DGLUCY: variants seen among roughly 807,000 people sequenced by gnomAD.
The protein encoded by DGLUCY is D-glutamate cyclase, mitochondrial.
Under a neutral mutation model 58.5 loss-of-function variants are expected in DGLUCY, and 58 were observed. The observed-to-expected ratio is 0.99, with a 90% CI of 0.80 to 1.23. DGLUCY has a LOEUF of 1.23. Ranked by LOEUF, DGLUCY falls within the 50% of genes most tolerant of loss-of-function variation. The probability of loss-of-function intolerance (pLI) is 0.00; values close to 1 mark genes in which losing one functional copy is unlikely to be tolerated. For synonymous variants in DGLUCY, 325 were observed against 314.1 expected, an observed-to-expected ratio of 1.03 and a Z score of -0.37; for missense variants, 779 against 784.7, an observed-to-expected ratio of 0.99 and a Z score of 0.09.
At chr14:91,119,963 G>A (rs1263043640) in intron 1 of DGLUCY, among the ~76,000 whole-genome samples, 1 of 152,132 alleles carries the variant, frequency 6.6e-6, no homozygotes, top group Non-Finnish European at 1.5e-5. Flanking sequence ...GGGCTCTCAG[G>A]GCTTTGGCCT....
intron 12 of DGLUCY, among the ~76,000 whole-genome samples, chr14:91,205,909 T>G (rs1049961995): frequency 6.8e-6 from 1 of 146,972 alleles, no homozygotes; most frequent in Admixed American, 6.9e-5. Flanking sequence ...AGTGCCATCT[T>G]GGTCGCTGCA....
upstream of DGLUCY, among the ~76,000 whole-genome samples, chr14:91,111,198 ATATATGTGTGTG>A (rs1390250840): frequency 6.1e-5 from 2 of 32,648 alleles, no homozygotes; most frequent in African/African-American, 1.7e-4. Context: ...TTTTATTTAT[ATATATGTGTGTG>A]TGTGTGTGTG....
At chr14:91,201,635 G>A (rs1326825513) in intron 11 of DGLUCY, among the ~76,000 whole-genome samples, 3 of 151,932 alleles carry the variant, frequency 2.0e-5, no homozygotes, top group Admixed American at 1.3e-4. Flanking sequence ...GTAGAGATGA[G>A]GTCTCACTAT....
At chr14:91,138,505 G>T (rs1016949980) in intron 1 of DGLUCY, among the ~76,000 whole-genome samples, 4 of 151,924 alleles carry the variant, frequency 2.6e-5, no homozygotes, top group African/African-American at 9.7e-5. Flanking sequence ...AAAAGAAAAA[G>T]AAAAAAAGAA....
At chr14:91,217,430 G>A (rs1451634178) in intron 13 of DGLUCY, among the ~76,000 whole-genome samples, 6 of 151,812 alleles carry the variant, frequency 4.0e-5, no homozygotes, top group African/African-American at 9.7e-5. Flanking sequence ...GGGCAGGCCC[G>A]ATAGCCTCCC....
chr14:91,125,002 C>T (rs2045588698), intron 1 of DGLUCY, among the ~76,000 whole-genome samples: 1 of 152,340 alleles, frequency 6.6e-6, no homozygotes, highest in South Asian at 2.1e-4. Context: ...GCACAAGTTA[C>T]TTCCTCCTTC....
intron 8 of DGLUCY, among the ~76,000 whole-genome samples, chr14:91,187,733 T>C (rs185690319): frequency 2.1e-3 from 318 of 152,268 alleles, no homozygotes; most frequent in Non-Finnish European, 4.0e-3. Flanking sequence ...AATAGGCAGG[T>C]GAGTAAATGC....
intron 9 of DGLUCY, 51 bp downstream of exon 9, chr14:91,189,221 G>A (rs374641246): frequency 2.1e-5 from 33 of 1,601,702 alleles, no homozygotes; most frequent in Non-Finnish European, 2.4e-5. Context: ...CTTTGTGGAC[G>A]GAGGCTGGAG....
chr14:91,161,744 A>G (rs2047999733), intron 3 of DGLUCY, among the ~76,000 whole-genome samples: 1 of 152,030 alleles, frequency 6.6e-6, no homozygotes, highest in Non-Finnish European at 1.5e-5. Flanking sequence ...AGGGGCTACA[A>G]TGGGGTGTGA....
At chr14:91,093,228 G>T (rs751071409) in intron 1 of DGLUCY, among the ~76,000 whole-genome samples, 1 of 152,038 alleles carries the variant, frequency 6.6e-6, no homozygotes, top group African/African-American at 2.4e-5. Context: ...TTGAGCACTA[G>T]TTGCTAGGTG....
rs1595892537 is a variant in DGLUCY, at chr14:91,196,442, C to G, written c.1263C>G (p.Phe421Leu). The G allele has an allele frequency of 1.2e-6, 2 of 1,614,100 alleles. No homozygotes were observed. The highest frequency in any genetic ancestry group is 1.7e-6 in the Non-Finnish European group (2 of 1,180,020). ...GATCAGTGGAAGCTGCTCAGGCATT[C>G]CTGTGCAAAAATGGGGACCCGCAGA... is the stretch of plus-strand genomic sequence containing the variant. ...QGGSVEAAQA[F>L]LCKNGDPQTP... The change falls in exon 10 of 14, where the codon TTC (phenylalanine) becomes TTG (leucine). Residue 421 changes from phenylalanine to leucine, a missense_variant. By Grantham distance (22) the Phe-to-Leu change is conservative. Transcript: ENST00000256324.
intron 1 of DGLUCY, among the ~76,000 whole-genome samples, chr14:91,126,045 T>TGTG (rs750027402): frequency 2.1e-4 from 32 of 152,328 alleles, no homozygotes; most frequent in Non-Finnish European, 4.1e-4. Flanking sequence ...CTATTTTGAT[T>TGTG]GTCACCTAGG....
chr14:91,158,373 G>A (rs2047782960), intron 2 of DGLUCY, among the ~76,000 whole-genome samples: 1 of 152,176 alleles, frequency 6.6e-6, no homozygotes, highest in Non-Finnish European at 1.5e-5. Flanking sequence ...TGTCCCCACA[G>A]CACTTTGTTC....
intron 1 of DGLUCY, among the ~76,000 whole-genome samples, chr14:91,120,700 C>T (rs956101737): frequency 2.0e-5 from 3 of 152,168 alleles, no homozygotes; most frequent in Non-Finnish European, 4.4e-5. Flanking sequence ...CATGAGCCAC[C>T]CCACCTGGCC....
At chr14:91,176,161 C>T in intron 7 of DGLUCY, 105 bp downstream of exon 7, 1 of 1,389,006 alleles carries the variant, frequency 7.2e-7, no homozygotes, top group South Asian at 1.5e-5. Context: ...AAAAATAAAG[C>T]CATGAAACAA....
At chr14:91,199,262 A>ATT (rs537076261) in intron 10 of DGLUCY, among the ~76,000 whole-genome samples, 17 of 142,942 alleles carry the variant, frequency 1.2e-4, no homozygotes, top group South Asian at 4.5e-4. Flanking sequence ...CCAATGCTGG[A>ATT]TTTTTTTTTT....
chr14:91,060,471 G>C, exon 1 of DGLUCY: 5 of 1,379,338 alleles, frequency 3.6e-6, no homozygotes, highest in East Asian at 2.9e-5. Context: ...GTCGCTACGA[G>C]GGGAACCCAG....
upstream of DGLUCY, among the ~76,000 whole-genome samples, chr14:91,104,434 C>T (rs2044552933): frequency 6.6e-6 from 1 of 152,090 alleles, no homozygotes; most frequent in South Asian, 2.1e-4. Context: ...GCCAGGGATA[C>T]TGCTGAACAT....
rs34785372 is a variant in DGLUCY, at chr14:91,160,417, TAAAAAAA to T, written c.103+38_103+44del. 3.2e-4 allele frequency: 184 copies of T among 579,154 alleles called. No individual in the cohort carries two copies. Among genetic ancestry groups the T allele is most frequent in the East Asian group, 5.7e-4 (15 of 26,294 alleles). 35.9% of individuals were successfully genotyped at this position (579,154 alleles called of 1,614,324 possible). On this transcript the variant is annotated intron_variant, in intron 3 of 13. Coordinates refer to ENST00000256324, the MANE Select transcript of DGLUCY (RefSeq NM_001102368.3). ...CTGGAGGTAAGTGGTGCCAGATAGT[TAAAAAAA>T]AAAAAAAAAAAAAAAAAGAAAGTTC...
Sources: allele counts gnomAD v4.1 joint callset (sites outside exome capture counted in the v4.1 genomes callset), GRCh38; gene constraint gnomAD v4.1.1; transcripts MANE v1.5; gene names NCBI Gene and HGNC (gene_info 2026-07-23, HGNC 2026-07-21).